The following DIP2B variants were observed in gnomAD, a reference collection of about 807,000 sequenced individuals.
The protein encoded by DIP2B is disco-interacting protein 2 homolog B.
A neutral mutation model predicts 198.0 loss-of-function variants in DIP2B; 76 were observed. That is an observed-to-expected ratio of 0.38 (90% CI 0.32 to 0.46). The LOEUF is 0.46. DIP2B is among the 20% of genes least tolerant of loss of function. The pLI is 0.99. For synonymous variants in DIP2B, 701 were observed against 739.1 expected (o/e 0.95, Z 0.84); for missense variants, 1,559 against 1,978.4 (o/e 0.79, Z 4.02).
At chr12:50,721,109 C>A (rs971269016) in intron 25 of DIP2B, among the ~76,000 whole-genome samples, 164 bp from the exon 26 acceptor site, 1 of 152,166 alleles carries the variant, frequency 6.6e-6, no homozygotes, top group Admixed American at 6.5e-5. Flanking sequence ...CTGTCCAGCC[C>A]CACACGTCTT....
intron 1 of DIP2B, among the ~76,000 whole-genome samples, chr12:50,624,211 A>G (rs1333533530): frequency 6.6e-6 from 1 of 152,196 alleles, no homozygotes; most frequent in Non-Finnish European, 1.5e-5. Context: ...AGTTCTAGAT[A>G]AAACCAACTG....
chr12:50,510,947 C>CT (rs56793612), intron 1 of DIP2B, among the ~76,000 whole-genome samples: 120,235 of 131,092 alleles, frequency 0.92, 56,156 homozygotes, highest in South Asian at 0.99. Context: ...GCCTGGCTTT[C>CT]TTTTTTTTTT....
chr12:50,737,147 G>A, intron 35 of DIP2B, 37 bp downstream of exon 35: 1 of 1,584,028 alleles, frequency 6.3e-7, no homozygotes, highest in Non-Finnish European at 8.7e-7. Flanking sequence ...TGAAAAGTCA[G>A]CAGTAAAAAT....
chr12:50,674,907 G>A (rs1938919511), intron 6 of DIP2B, among the ~76,000 whole-genome samples: 1 of 152,308 alleles, frequency 6.6e-6, no homozygotes, highest in South Asian at 2.1e-4. Context: ...GCTCACGCCT[G>A]TAATCCCAGC....
chr12:50,638,792 T>G (rs1938202459), intron 2 of DIP2B, among the ~76,000 whole-genome samples: 1 of 152,076 alleles, frequency 6.6e-6, no homozygotes, highest in Non-Finnish European at 1.5e-5. Flanking sequence ...CCTTCCCACC[T>G]CTTTTTGATG....
At position 50,640,863 on chromosome 12, in the gene DIP2B, G is replaced by A. The variant is rs764729022; in HGVS notation, c.301+11G>A. ...AACGATATCGATCAGGTGAGGAGAAGCTGCAGAATGGCCAGCTGAATCGTT... is the reference window on the plus strand; with the variant it reads ...AACGATATCGATCAGGTGAGGAGAAACTGCAGAATGGCCAGCTGAATCGTT... On this transcript the variant is annotated intron_variant, in intron 3 of 37. Coordinates refer to ENST00000301180, the MANE Select transcript of DIP2B (RefSeq NM_173602.3). The A allele has an allele frequency of 3.0e-5, 48 of 1,609,572 alleles. No individual in the cohort carries two copies. The highest frequency in any genetic ancestry group is 2.2e-4 in the Admixed American group (13 of 58,900).
intron 1 of DIP2B, among the ~76,000 whole-genome samples, chr12:50,583,597 C>T (rs1257318205): frequency 6.6e-6 from 1 of 152,154 alleles, no homozygotes; most frequent in Non-Finnish European, 1.5e-5. Context: ...CCTTTACTTA[C>T]AGTGGGGTAA....
At chr12:50,535,996 A>G (rs905660450) in intron 1 of DIP2B, among the ~76,000 whole-genome samples, 18 of 151,214 alleles carry the variant, frequency 1.2e-4, no homozygotes, top group Admixed American at 6.6e-4. Context: ...ATGATTTCCA[A>G]TTTCATCCAT....
chr12:50,624,104 T>A lies in DIP2B; in HGVS notation c.101-1872T>A, dbSNP rs142310871. ...TTGAATAAATTCTTAGTACAGCTGC[T>A]GAATCAATTTTGATAGAAACTTGCA... On this transcript the variant is annotated intron_variant, in intron 1 of 37. Transcript: ENST00000301180. 1.6e-4 allele frequency among the ~76,000 whole-genome samples: 25 copies of A among 152,372 alleles called. No homozygotes were observed. In the East Asian group the frequency reaches 4.2e-3, roughly 26 times the overall value.
intron 1 of DIP2B, among the ~76,000 whole-genome samples, chr12:50,518,013 A>G (rs545755657): frequency 6.6e-6 from 1 of 152,334 alleles, no homozygotes; most frequent in South Asian, 2.1e-4. Flanking sequence ...TTGCCTGGCT[A>G]GTAAGTAGGT....
intron 19 of DIP2B, among the ~76,000 whole-genome samples, chr12:50,700,612 A>G (rs566200501): frequency 3.9e-5 from 6 of 152,328 alleles, no homozygotes; most frequent in African/African-American, 1.4e-4. Context: ...GAAAAGGGCT[A>G]AGAGCTCCTG....
chr12:50,582,890 T>C (rs1227350002), intron 1 of DIP2B, among the ~76,000 whole-genome samples: 3 of 152,238 alleles, frequency 2.0e-5, no homozygotes, highest in Non-Finnish European at 4.4e-5. Context: ...AGATGGCTGA[T>C]AATCAGATGA....
At chr12:50,565,292 A>G (rs888485977) in intron 1 of DIP2B, among the ~76,000 whole-genome samples, 1 of 144,584 alleles carries the variant, frequency 6.9e-6, no homozygotes, top group African/African-American at 2.6e-5. Context: ...CCACCATGCC[A>G]GCTGGTGCCA....
intron 4 of DIP2B, among the ~76,000 whole-genome samples, chr12:50,663,380 A>AC (rs2139514808): frequency 6.6e-6 from 1 of 151,146 alleles, no homozygotes; most frequent in Admixed American, 6.6e-5. Context: ...AACACAGTGA[A>AC]CCCCGTCTCT....
intron 36 of DIP2B, among the ~76,000 whole-genome samples, chr12:50,740,569 G>T (rs1223926214): frequency 6.6e-6 from 1 of 152,190 alleles, no homozygotes; most frequent in East Asian, 1.9e-4. Flanking sequence ...CAGTCTTCAT[G>T]AGCTCACCAG....
Position 50,691,040 on chromosome 12 carries a change from G to T in DIP2B, c.1552-9G>T, listed in dbSNP as rs758196806. ...TTGTGTTTCTTATGTTTCTGTTTTT[G>T]TTTTCTAGTATAAAACAAGCAAAGA... is the stretch of plus-strand genomic sequence containing the variant. On this transcript the variant is annotated splice_polypyrimidine_tract_variant and intron_variant, in intron 12 of 37. Transcript: ENST00000301180. The T allele has an allele frequency of 6.8e-6, 11 of 1,609,978 alleles. No individual in the cohort carries two copies. The highest frequency in any genetic ancestry group is 8.5e-6 in the Non-Finnish European group (10 of 1,178,134).
At chr12:50,703,398 A>G (rs1022890410) in intron 19 of DIP2B, among the ~76,000 whole-genome samples, 15 of 152,188 alleles carry the variant, frequency 9.9e-5, no homozygotes, top group African/African-American at 3.4e-4. Context: ...ACAGTTTTAT[A>G]GGCCAGCCAA....
At chr12:50,704,498 T>G (rs1939478829) in intron 20 of DIP2B, among the ~76,000 whole-genome samples, 1 of 152,264 alleles carries the variant, frequency 6.6e-6, no homozygotes, top group African/African-American at 2.4e-5. Flanking sequence ...TTAAGAACTC[T>G]TTTCACTTAT....
At chr12:50,718,616 A>G (rs1346007633) in intron 23 of DIP2B, 93 bp from the exon 24 acceptor site, 7 of 1,083,924 alleles carry the variant, frequency 6.5e-6, no homozygotes, top group Non-Finnish European at 9.7e-6. Context: ...TGTTGGATGA[A>G]TATTTGAACC....
Sources: allele counts gnomAD v4.1 joint callset (sites outside exome capture counted in the v4.1 genomes callset), GRCh38; gene constraint gnomAD v4.1.1; transcripts MANE v1.5; gene names NCBI Gene and HGNC (gene_info 2026-07-23, HGNC 2026-07-21).